Variants in EML4 observed in about 807,000 individuals in gnomAD.
The protein encoded by EML4 is echinoderm microtubule-associated protein-like 4.
In EML4, 72 loss-of-function variants were observed where a neutral mutation model predicts 129.0. The ratio of observed to expected loss-of-function variants is 0.56; its 90% CI spans 0.46 to 0.68. The LOEUF is 0.68. EML4 is among the 30% of genes least tolerant of loss of function. The pLI is 0.00. For synonymous variants in EML4, 532 were observed against 405.0 expected (o/e 1.31, Z -3.77); for missense variants, 1,363 against 1,190.6 (o/e 1.14, Z -2.13).
intron 1 of EML4, among the ~76,000 whole-genome samples, chr2:42,211,875 C>G (rs1241050388): frequency 3.9e-5 from 6 of 152,104 alleles, no homozygotes; most frequent in East Asian, 3.9e-4. Context: ...GAGACAGTTT[C>G]ACTCTGTCGC....
intron 6 of EML4, among the ~76,000 whole-genome samples, chr2:42,268,328 A>G (rs1475642040): frequency 1.3e-5 from 2 of 152,220 alleles, no homozygotes; most frequent in Non-Finnish European, 2.9e-5. Context: ...TGGAAATACT[A>G]TACCTTTTAT....
intron 1 of EML4, among the ~76,000 whole-genome samples, chr2:42,180,945 G>T (rs1670899990): frequency 6.6e-6 from 1 of 152,184 alleles, no homozygotes; most frequent in Non-Finnish European, 1.5e-5. Context: ...TTTGTAGACT[G>T]TCCCTAAATT....
intron 1 of EML4, among the ~76,000 whole-genome samples, chr2:42,176,653 T>C (rs1301771674): frequency 6.6e-6 from 1 of 152,204 alleles, no homozygotes; most frequent in Admixed American, 6.5e-5. Context: ...CCCAAAGTAT[T>C]CTTCCGTGAA....
At position 42,288,234 on chromosome 2, in the gene EML4, G is replaced by T; in HGVS notation, c.1130G>T (p.Gly377Val). ...GCLDFSKADS[G>V]VHLCIIDDSN... is the part of the protein sequence containing the mutation. ...TGATTGACTTTTCTTTAGGATTCAG[G>T]TGTTCATTTATGTATTATTGATGAC... is the stretch of plus-strand genomic sequence containing the variant. The change falls in exon 11 of 23, where the codon GGT becomes GTT. Residue 377 changes from glycine (G) to valine (V), a missense_variant. Physicochemically the swap from Gly to Val is moderately radical, Grantham distance 109. Transcript: ENST00000318522. The T allele has an allele frequency of 1.4e-6, 2 of 1,408,054 alleles. No individual in the cohort carries two copies. Among genetic ancestry groups the T allele is most frequent in the Non-Finnish European group, 9.8e-7 (1 of 1,017,622 alleles). The allele number at this position is 1,408,054 out of a possible 1,614,324, so 87.2% of individuals were successfully genotyped here.
chr2:42,265,155 A>G (rs146733215), intron 6 of EML4, among the ~76,000 whole-genome samples: 262 of 152,176 alleles, frequency 1.7e-3, no homozygotes, highest in Non-Finnish European at 1.6e-3. Context: ...CAGTGGTGCA[A>G]TCTCGGCTTA....
At chr2:42,197,172 C>T (rs185395161) in intron 1 of EML4, among the ~76,000 whole-genome samples, 246 of 152,200 alleles carry the variant, frequency 1.6e-3, no homozygotes, top group Admixed American at 6.3e-3. Flanking sequence ...AGGTGATACC[C>T]CCATCTCAGA....
chr2:42,320,328 TA>T (rs59575212), intron 19 of EML4, among the ~76,000 whole-genome samples: 4,885 of 144,846 alleles, frequency 0.034, 238 homozygotes, highest in African/African-American at 0.11. Flanking sequence ...GTCTGTATTT[TA>T]AAAAAAAAAA....
At chr2:42,242,497 G>A (rs542759777) in intron 1 of EML4, among the ~76,000 whole-genome samples, 1 of 152,144 alleles carries the variant, frequency 6.6e-6, no homozygotes, top group African/African-American at 2.4e-5. Context: ...ACAGTCCTAG[G>A]GTGACATCCT....
At chr2:42,293,947 A>G (rs1257134156) in intron 11 of EML4, among the ~76,000 whole-genome samples, 2 of 152,220 alleles carry the variant, frequency 1.3e-5, no homozygotes, top group African/African-American at 4.8e-5. Flanking sequence ...CCGTACACGT[A>G]AAGTTCTTTG....
rs370967607 is a variant in EML4, at chr2:42,245,607, C to A, written c.128C>A (p.Ala43Glu). The A allele has an allele frequency of 6.2e-7, 1 of 1,613,606 alleles. No individual in the cohort carries two copies. Among genetic ancestry groups the A allele is most frequent in the African/African-American group, 1.3e-5 (1 of 74,876 alleles). The change falls in exon 2 of 23, where the codon GCG becomes GAG. Residue 43 changes from alanine to glutamate, a missense_variant. Ala to Glu is a moderately radical substitution (Grantham distance 107). Transcript: ENST00000318522. ...QQEDEITVLKAALADVLRRLA... is the reference protein window; with the variant it reads ...QQEDEITVLKEALADVLRRLA... ...GAAGATGAAATCACTGTGCTAAAGG[C>A]GGCTTTGGCTGATGTTTTGAGGCGT... is the stretch of plus-strand genomic sequence containing the variant.
chr2:42,243,123 T>C (rs2104284959), intron 1 of EML4, among the ~76,000 whole-genome samples: 1 of 152,260 alleles, frequency 6.6e-6, no homozygotes, highest in Admixed American at 6.5e-5. Flanking sequence ...GGTCATTTTA[T>C]ATGGTTCAGT....
chr2:42,275,997 A>G (rs1412280083), intron 6 of EML4, among the ~76,000 whole-genome samples: 1 of 152,170 alleles, frequency 6.6e-6, no homozygotes, highest in East Asian at 1.9e-4. Context: ...GCATTGGGAT[A>G]ATACATACTG....
chr2:42,274,758 A>T (rs554644674), intron 6 of EML4, among the ~76,000 whole-genome samples: 2 of 152,288 alleles, frequency 1.3e-5, no homozygotes, highest in Admixed American at 1.3e-4. Flanking sequence ...GCAATTTGGG[A>T]CACCTCGGAG....
intron 6 of EML4, among the ~76,000 whole-genome samples, chr2:42,273,611 T>C (rs1318508951): frequency 1.3e-5 from 2 of 152,100 alleles, no homozygotes; most frequent in Admixed American, 6.6e-5. Context: ...CACTATGTAA[T>C]TAAAAATTCA....
At chr2:42,297,211 T>C (rs1160488935) in intron 13 of EML4, among the ~76,000 whole-genome samples, 1 of 152,186 alleles carries the variant, frequency 6.6e-6, no homozygotes, top group Admixed American at 6.5e-5. Context: ...CCCATTTATT[T>C]CTCTTTTCTT....
intron 19 of EML4, among the ~76,000 whole-genome samples, chr2:42,323,599 C>G (rs1669634827): frequency 6.6e-6 from 1 of 152,066 alleles, no homozygotes; most frequent in South Asian, 2.1e-4. Flanking sequence ...TAATGTAAAT[C>G]ATTAAAAACT....
At chr2:42,248,695 TC>T (rs1191091626) in intron 2 of EML4, among the ~76,000 whole-genome samples, 4 of 152,170 alleles carry the variant, frequency 2.6e-5, no homozygotes, top group Admixed American at 6.5e-5. Context: ...AGATTTTTTT[TC>T]CAATTGATTT....
At chr2:42,187,983 A>G (rs1182019039) in intron 1 of EML4, among the ~76,000 whole-genome samples, 1 of 152,140 alleles carries the variant, frequency 6.6e-6, no homozygotes, top group Non-Finnish European at 1.5e-5. Context: ...TTTTAGGTCG[A>G]TGATCTCTTT....
intron 16 of EML4, 74 bp downstream of exon 16, chr2:42,303,520 A>G (rs1360612620): frequency 1.3e-6 from 2 of 1,509,288 alleles, no homozygotes; most frequent in African/African-American, 1.4e-5. Context: ...GCAGCAAAGT[A>G]AAAAGGACTA....
Sources: gnomAD v4.1 joint callset for allele counts (sites outside exome capture counted in the v4.1 genomes callset) on GRCh38, gnomAD v4.1.1 for gene constraint, MANE v1.5 for transcripts, NCBI Gene and HGNC (gene_info 2026-07-23, HGNC 2026-07-21) for gene names.